Variants in CNTN3 observed in about 807,000 individuals in gnomAD.
The protein encoded by CNTN3 is contactin 3.
In CNTN3, 60 loss-of-function variants were observed where a neutral mutation model predicts 119.1. The observed-to-expected ratio is 0.50, with a 90% CI of 0.41 to 0.62. The LOEUF is 0.62. CNTN3 is among the 20% of genes least tolerant of loss of function. CNTN3 has a pLI of 0.00. For synonymous variants in CNTN3, 450 were observed against 438.7 expected, an observed-to-expected ratio of 1.03 and a Z score of -0.32; for missense variants, 1,101 against 1,242.4, an observed-to-expected ratio of 0.89 and a Z score of 1.71.
At chr3:74,547,464 A>G (rs1464303149) in intron 1 of CNTN3, among the ~76,000 whole-genome samples, 1 of 152,216 alleles carries the variant, frequency 6.6e-6, no homozygotes, top group East Asian at 1.9e-4. Flanking sequence ...AAGTTATAAT[A>G]GAAAAAACAT....
At chr3:74,300,332 T>C (rs1702430208) in intron 16 of CNTN3, among the ~76,000 whole-genome samples, 1 of 152,288 alleles carries the variant, frequency 6.6e-6, no homozygotes, top group South Asian at 2.1e-4. Context: ...ATTGGCTATA[T>C]GTAAGGATGA....
In CNTN3 at chr3:74,565,066, AAAAG is replaced by A. The variant is rs1299748567; in HGVS notation, c.-80-43878_-80-43875del. On this transcript the variant is annotated intron_variant, in intron 1 of 22. Transcript: ENST00000263665. The stretch of plus-strand genomic sequence containing the variant: ...CCACTTCTACATTTCAACCCAAAAG[AAAAG>A]AAAAAGACATGGGTGGAGAACAAGT... Among the ~76,000 whole-genome samples, 12 of 152,284 alleles carry A rather than the reference AAAAG, an allele frequency of 7.9e-5. No individual in the cohort carries two copies. In the East Asian group the frequency reaches 2.3e-3, roughly 29 times the overall value.
chr3:74,269,983 AATGTTTAGT>A (rs1330238155), intron 20 of CNTN3, among the ~76,000 whole-genome samples: 1 of 152,156 alleles, frequency 6.6e-6, no homozygotes, highest in African/African-American at 2.4e-5. Context: ...TATGTTTTTA[AATGTTTAGT>A]ATGTTAAATT....
At chr3:74,402,338 T>C (rs116725526) in intron 5 of CNTN3, among the ~76,000 whole-genome samples, 2,014 of 152,288 alleles carry the variant, frequency 0.013, 44 homozygotes, top group African/African-American at 0.042. Context: ...TTTTTTTCTC[T>C]TCCTAGTAGC....
chr3:74,585,941 C>T (rs571584960), intron 1 of CNTN3, among the ~76,000 whole-genome samples: 29 of 152,204 alleles, frequency 1.9e-4, no homozygotes, highest in Middle Eastern at 3.4e-3. Context: ...AGGCACAGTA[C>T]GAAATTCTTT....
chr3:74,389,716 G>A (rs1303004540), intron 5 of CNTN3, among the ~76,000 whole-genome samples: 2 of 152,004 alleles, frequency 1.3e-5, no homozygotes, highest in African/African-American at 4.8e-5. Context: ...GGGGAAGCAG[G>A]GTCTGAACCC....
At chr3:74,449,176 T>C (rs917523357) in intron 4 of CNTN3, among the ~76,000 whole-genome samples, 1 of 152,010 alleles carries the variant, frequency 6.6e-6, no homozygotes, top group Non-Finnish European at 1.5e-5. Context: ...AAAATTAATG[T>C]AATTTTTTGT....
At chr3:74,504,010 G>A (rs1210764110) in intron 2 of CNTN3, among the ~76,000 whole-genome samples, 1 of 152,004 alleles carries the variant, frequency 6.6e-6, no homozygotes, top group South Asian at 2.1e-4. Flanking sequence ...AACCGCAGAC[G>A]ATCAATTCTA....
At chr3:74,446,997 T>C (rs1051507612) in intron 4 of CNTN3, among the ~76,000 whole-genome samples, 1 of 152,338 alleles carries the variant, frequency 6.6e-6, no homozygotes, top group Non-Finnish European at 1.5e-5. Flanking sequence ...CGTTTTTCTT[T>C]GTTTCATTTA....
At chr3:74,421,120 A>C (rs1366704026) in intron 5 of CNTN3, among the ~76,000 whole-genome samples, 1 of 152,152 alleles carries the variant, frequency 6.6e-6, no homozygotes, top group Non-Finnish European at 1.5e-5. Flanking sequence ...CTTGGCATCT[A>C]AGCAACACTC....
rs578027817 is a variant in CNTN3 at position 74,394,336 on chromosome 3, T to C, written c.455-22937A>G. On this transcript the variant is annotated intron_variant, in intron 5 of 22. Coordinates refer to ENST00000263665, the MANE Select transcript of CNTN3 (RefSeq NM_020872.3). ...CTCTAGATGTTAATTAACCATACAG[T>C]CATAGCAAAATGATGTGATTTTGAA... Among the ~76,000 whole-genome samples, 83 of 152,276 alleles carry C rather than the reference T, an allele frequency of 5.5e-4. 3 individuals carry two copies. In the South Asian group the frequency reaches 0.017, roughly 31 times the overall value.
intron 8 of CNTN3, among the ~76,000 whole-genome samples, chr3:74,366,776 G>GTATATATATATATATATA (rs1416469987): frequency 6.5e-4 from 23 of 35,614 alleles, no homozygotes; most frequent in African/African-American, 2.8e-3. Flanking sequence ...GTGTGTGTGT[G>GTATATATATATATATATA]TGTGTATATA....
At chr3:74,573,174 G>T (rs1704361564) in intron 1 of CNTN3, among the ~76,000 whole-genome samples, 1 of 152,152 alleles carries the variant, frequency 6.6e-6, no homozygotes, top group Non-Finnish European at 1.5e-5. Flanking sequence ...CAACATGAAT[G>T]TATTAATATC....
chr3:74,536,585 C>T (rs1703768479), intron 1 of CNTN3, among the ~76,000 whole-genome samples: 1 of 152,052 alleles, frequency 6.6e-6, no homozygotes, highest in Admixed American at 6.6e-5. Context: ...TAGAACTCTG[C>T]CTGGACGAAT....
At chr3:74,500,987 A>G (rs1415449439) in intron 2 of CNTN3, among the ~76,000 whole-genome samples, 1 of 152,032 alleles carries the variant, frequency 6.6e-6, no homozygotes, top group East Asian at 1.9e-4. Flanking sequence ...ATTCTAGAAT[A>G]ATGGATTCCA....
intron 5 of CNTN3, among the ~76,000 whole-genome samples, chr3:74,374,695 C>T (rs963470426): frequency 1.3e-5 from 2 of 152,094 alleles, no homozygotes; most frequent in Admixed American, 1.3e-4. Flanking sequence ...ATTTCACCAC[C>T]AAAGAAGAAA....
chr3:74,504,255 AG>A (rs1441450808), intron 2 of CNTN3, among the ~76,000 whole-genome samples: 1 of 152,178 alleles, frequency 6.6e-6, no homozygotes, highest in African/African-American at 2.4e-5. Context: ...AAATCACAAC[AG>A]GGTGTAAGGG....
chr3:74,317,865 C>G (rs1158160569), intron 13 of CNTN3, among the ~76,000 whole-genome samples: 1 of 152,102 alleles, frequency 6.6e-6, no homozygotes, highest in Admixed American at 6.5e-5. Flanking sequence ...TCTGTATTTC[C>G]TGAATCTGAA....
intron 11 of CNTN3, among the ~76,000 whole-genome samples, chr3:74,351,158 G>A (rs562188091): frequency 6.6e-6 from 1 of 152,294 alleles, no homozygotes; most frequent in South Asian, 2.1e-4. Flanking sequence ...CTTTTGCTGA[G>A]CATCTACAGA....
Sources: gnomAD v4.1 joint callset for allele counts (sites outside exome capture counted in the v4.1 genomes callset) on GRCh38, gnomAD v4.1.1 for gene constraint, MANE v1.5 for transcripts, NCBI Gene and HGNC (gene_info 2026-07-23, HGNC 2026-07-21) for gene names.